Variants in EML2 observed in about 807,000 individuals in gnomAD.
EML2 encodes echinoderm microtubule-associated protein-like 2.
A neutral mutation model predicts 84.7 loss-of-function variants in EML2; 59 were observed. The ratio of observed to expected loss-of-function variants is 0.70; its 90% CI spans 0.56 to 0.86. The LOEUF is 0.86. Ranked by LOEUF, EML2 falls within the 40% of genes least tolerant of loss-of-function variation. EML2 has a pLI of 0.00. For synonymous variants in EML2, 352 were observed against 348.9 expected (o/e 1.01, Z -0.10); for missense variants, 818 against 855.6 (o/e 0.96, Z 0.55).
At chr19:45,630,937 C>T (rs1224270495) in intron 6 of EML2, among the ~76,000 whole-genome samples, 2 of 152,142 alleles carry the variant, frequency 1.3e-5, no homozygotes, top group East Asian at 3.9e-4. Context: ...TCACTGCAAC[C>T]TCCACCTCCC....
chr19:45,621,977 A>G (rs1427347715), intron 9 of EML2, among the ~76,000 whole-genome samples: 1 of 151,832 alleles, frequency 6.6e-6, no homozygotes, highest in Non-Finnish European at 1.5e-5. Context: ...TCCTGACCTC[A>G]AGTGATCCAC....
intron 3 of EML2, among the ~76,000 whole-genome samples, chr19:45,637,000 G>A (rs139383842): frequency 1.2e-4 from 19 of 152,378 alleles, no homozygotes; most frequent in African/African-American, 4.1e-4. Context: ...GCTCTGACCT[G>A]CAGTCACTGC....
At chr19:45,642,285 C>T, upstream of EML2, 1 of 1,535,968 alleles carries the variant, frequency 6.5e-7, no homozygotes, top group Non-Finnish European at 8.7e-7. Context: ...CCTGTAACTG[C>T]AGCCGCTGCT....
rs771586666 is a variant in EML2 at position 45,638,582 on chromosome 19, G to A, written c.102C>T (p.Ile34=). The A allele has an allele frequency of 2.5e-6, 4 of 1,614,086 alleles. No individual in the cohort carries two copies. Among genetic ancestry groups the A allele is most frequent in the Non-Finnish European group, 3.4e-6 (4 of 1,180,030 alleles). Residue 34 remains isoleucine, a synonymous_variant, in exon 3 of 19, where the codon ATC becomes ATT. Coordinates refer to ENST00000245925, the MANE Select transcript of EML2 (RefSeq NM_012155.4). ...FLRGRPVPMM[I]PDELAPTYSL... ...TGTAGGTGGGTGCCAGCTCGTCTGGGATCATCATGGGCACAGGGCGGCCCC... is the reference window on the plus strand; with the variant it reads ...TGTAGGTGGGTGCCAGCTCGTCTGGAATCATCATGGGCACAGGGCGGCCCC...
chr19:45,614,565 C>A (rs1406443258), intron 17 of EML2, 40 bp downstream of exon 17: 1 of 1,558,410 alleles, frequency 6.4e-7, no homozygotes, highest in East Asian at 2.2e-5. Flanking sequence ...TCTCTCAGAA[C>A]TACTGTCCTC....
At chr19:45,643,754 T>G (rs1182912987), upstream of EML2, 1 of 1,509,270 alleles carries the variant, frequency 6.6e-7, no homozygotes, top group South Asian at 1.2e-5. Context: ...CCTCCTTCCC[T>G]TCGTAGCCCA....
At chr19:45,616,609 C>T (rs2241722) in intron 14 of EML2, 51 bp from the exon 15 acceptor site, 32 of 1,491,140 alleles carry the variant, frequency 2.1e-5, no homozygotes, top group Admixed American at 3.4e-5. Flanking sequence ...TCCATCCCCT[C>T]CTCGCCCAGA....
At chr19:45,642,688 C>A (rs577289387), upstream of EML2, 3 of 322,362 alleles carry the variant, frequency 9.3e-6, no homozygotes, top group African/African-American at 2.2e-5. Context: ...CGTGACCAGG[C>A]GCAGTGGCTC....
intron 7 of EML2, among the ~76,000 whole-genome samples, chr19:45,627,570 C>T (rs567993739): frequency 3.3e-5 from 5 of 151,924 alleles, no homozygotes; most frequent in South Asian, 2.1e-4. Flanking sequence ...CTTTCCTATA[C>T]GGTAAATTAA....
upstream of EML2, chr19:45,643,675 C>A: frequency 2.0e-6 from 3 of 1,535,882 alleles, no homozygotes; most frequent in Non-Finnish European, 2.6e-6. Context: ...TGGAGCTCGC[C>A]CCTGCCATCC....
chr19:45,633,580 A>G (rs1384980482), intron 4 of EML2, among the ~76,000 whole-genome samples: 1 of 151,950 alleles, frequency 6.6e-6, no homozygotes, highest in Non-Finnish European at 1.5e-5. Context: ...CTCTAGTAAA[A>G]GTACAAAAAT....
At position 45,614,875 on chromosome 19, in the gene EML2, G is replaced by A. The variant is rs549908283; in HGVS notation, c.1598-175C>T. ...TCACATGCTGGGGTCTTCACAGCCC[G>A]CAGCGTAAGCAGGAGCATCTACTTT... is the stretch of plus-strand genomic sequence containing the variant. On this transcript the variant is annotated intron_variant, in intron 16 of 18. Transcript: ENST00000245925. 7.2e-5 allele frequency: 40 copies of A among 558,480 alleles called. 1 individual carries two copies. Among genetic ancestry groups the A allele is most frequent in the South Asian group, 2.4e-4 (12 of 49,214 alleles). The allele number at this position is 558,480 out of a possible 1,614,324, so 34.6% of individuals were successfully genotyped here. A position where few individuals can be genotyped will look rare whatever the true frequency, so the allele number is the denominator to read the frequency against.
intron 18 of EML2, among the ~76,000 whole-genome samples, chr19:45,611,844 C>T (rs901215253): frequency 3.2e-4 from 48 of 151,754 alleles, no homozygotes; most frequent in South Asian, 1.5e-3. Flanking sequence ...TAAAAGATAA[C>T]CTATGCGTTT....
Position 45,634,403 on chromosome 19 carries a change from A to G in EML2, c.248T>C (p.Phe83Ser), listed in dbSNP as rs138538334. Residue 83 changes from phenylalanine to serine, a missense_variant, in exon 4 of 19, where the codon TTT becomes TCT. Coordinates refer to ENST00000245925, the MANE Select transcript of EML2 (RefSeq NM_012155.4). ...GTATAGCACGGCTACGGAGGCCACA[A>G]AGTACACTATCTCCCCGGTGGGCAG... ...YLLPTGEIVY[F>S]VASVAVLYSV... 6.2e-7 allele frequency: 1 copy of G among 1,613,972 alleles called. No homozygotes were observed.
chr19:45,610,439 G>C (rs1970373366), intron 18 of EML2, among the ~76,000 whole-genome samples: 1 of 152,056 alleles, frequency 6.6e-6, no homozygotes, highest in South Asian at 2.1e-4. Flanking sequence ...GGTGGCTCAC[G>C]CCTGTAATCC....
At chr19:45,624,269 C>G (rs1972047096) in intron 9 of EML2, among the ~76,000 whole-genome samples, 1 of 152,192 alleles carries the variant, frequency 6.6e-6, no homozygotes, top group Non-Finnish European at 1.5e-5. Context: ...TTCCTTTACC[C>G]AGTCACTCTC....
At chr19:45,625,843 A>T (rs546080444) in intron 8 of EML2, among the ~76,000 whole-genome samples, 1 of 152,044 alleles carries the variant, frequency 6.6e-6, no homozygotes, top group South Asian at 2.1e-4. Context: ...TATCCATCAT[A>T]TCGACAACCG....
At chr19:45,643,585 T>A (rs1207006293), upstream of EML2, 1 of 1,535,940 alleles carries the variant, frequency 6.5e-7, no homozygotes, top group Non-Finnish European at 8.7e-7. Context: ...ATACCCAGAC[T>A]CATTGCTGAC....
At chr19:45,638,971 C>A in intron 1 of EML2, 98 bp from the exon 2 acceptor site, 1 of 1,439,494 alleles carries the variant, frequency 6.9e-7, no homozygotes, top group Non-Finnish European at 9.8e-7. Context: ...CGGAGGTCTC[C>A]GATGAAAACG....
Sources: allele counts gnomAD v4.1 joint callset (sites outside exome capture counted in the v4.1 genomes callset), GRCh38; gene constraint gnomAD v4.1.1; transcripts MANE v1.5; gene names NCBI Gene and HGNC (gene_info 2026-07-23, HGNC 2026-07-21).